Variants in STIM1 observed in about 807,000 individuals in gnomAD.
STIM1 encodes the protein stromal interaction molecule 1.
In STIM1, 25 loss-of-function variants were observed where a neutral mutation model predicts 74.7. The observed-to-expected ratio is 0.33, with a 90% confidence interval of 0.24 to 0.47. The LOEUF (loss-of-function observed/expected upper bound fraction) is 0.47. STIM1 is among the 20% of genes least tolerant of loss of function. The pLI, the probability that STIM1 is intolerant of heterozygous loss-of-function variation, is 1.00. For missense variants in STIM1, 728 were observed against 920.8 expected (o/e 0.79, Z 2.71); for synonymous variants, 328 against 348.8 (o/e 0.94, Z 0.66).
At chr11:3,904,211 A>AAAAAAAAAG (rs1565109320) in intron 1 of STIM1, among the ~76,000 whole-genome samples, 19 of 150,660 alleles carry the variant, frequency 1.3e-4, no homozygotes, top group Non-Finnish European at 2.1e-4. Context: ...AAAAAAAAAA[A>AAAAAAAAAG]AAAAAAAAGA....
chr11:3,899,059 A>T (rs1260539899), intron 1 of STIM1, among the ~76,000 whole-genome samples: 5 of 152,200 alleles, frequency 3.3e-5, no homozygotes, highest in African/African-American at 9.7e-5. Context: ...GAAGAAAGTC[A>T]TTGGTAGTTT....
intron 1 of STIM1, among the ~76,000 whole-genome samples, chr11:3,889,757 G>C (rs1455414316): frequency 6.6e-6 from 1 of 152,124 alleles, no homozygotes; most frequent in Admixed American, 6.6e-5. Context: ...CTTGTTTTTA[G>C]TATTGTTGGG....
chr11:4,068,109 A>G (rs1045520839), intron 5 of STIM1, among the ~76,000 whole-genome samples: 1 of 152,210 alleles, frequency 6.6e-6, no homozygotes, highest in Non-Finnish European at 1.5e-5. Context: ...AGTGGTACTG[A>G]TAGGTGGAAC....
At chr11:3,987,666 T>G (rs2093569624) in intron 2 of STIM1, among the ~76,000 whole-genome samples, 2 of 152,204 alleles carry the variant, frequency 1.3e-5, no homozygotes, top group African/African-American at 4.8e-5. Flanking sequence ...ACATAGTAAC[T>G]ACTCAGTAAA....
rs73427556 is a variant in STIM1 at position 3,967,895 on chromosome 11, G to C, written c.270+213G>C. Among the ~76,000 whole-genome samples, 2,725 of 152,286 alleles carry C rather than the reference G, an allele frequency of 0.018. 84 individuals are homozygous for C. The highest frequency in any genetic ancestry group is 0.063 in the African/African-American group (2,609 of 41,556). The stretch of plus-strand genomic sequence containing the variant: ...GCTTTATGCTTGTGTCTGTGCCTGG[G>C]CTGGCTGCCCCCTGCCTACTGGCTA... On this transcript the variant is annotated intron_variant, in intron 2 of 12. Transcript: ENST00000526596.
At chr11:4,026,649 A>G (rs1279197242) in intron 3 of STIM1, among the ~76,000 whole-genome samples, 1 of 152,234 alleles carries the variant, frequency 6.6e-6, no homozygotes, top group African/African-American at 2.4e-5. Context: ...ATAATTAACT[A>G]GGACTACTCA....
At chr11:4,042,490 T>C (rs567280422) in intron 3 of STIM1, among the ~76,000 whole-genome samples, 2 of 152,232 alleles carry the variant, frequency 1.3e-5, no homozygotes, top group Non-Finnish European at 2.9e-5. Flanking sequence ...GACTGTTTTG[T>C]GTATTGTTGT....
At chr11:3,907,344 G>T (rs1024951595) in intron 1 of STIM1, among the ~76,000 whole-genome samples, 13 of 152,100 alleles carry the variant, frequency 8.5e-5, no homozygotes, top group African/African-American at 2.9e-4. Flanking sequence ...ATTTCTCCCT[G>T]AATTTTAGAC....
chr11:4,048,493 G>A (rs1189666942), intron 3 of STIM1, among the ~76,000 whole-genome samples: 1 of 151,986 alleles, frequency 6.6e-6, no homozygotes, highest in African/African-American at 2.4e-5. Context: ...TTTAAGTTCA[G>A]CATATCTGTA....
At chr11:3,884,930 A>G (rs2091649033) in intron 1 of STIM1, among the ~76,000 whole-genome samples, 1 of 152,214 alleles carries the variant, frequency 6.6e-6, no homozygotes, top group Non-Finnish European at 1.5e-5. Flanking sequence ...CATTTACATG[A>G]AATGTCCAGA....
intron 1 of STIM1, among the ~76,000 whole-genome samples, chr11:3,867,859 GGCAGGCAGGCAA>G (rs1210477515): frequency 1.2e-4 from 17 of 145,318 alleles, no homozygotes; most frequent in African/African-American, 2.2e-4. Flanking sequence ...CAGGCAGGCA[GGCAGGCAGGCAA>G]GCAGGCAGGC....
intron 1 of STIM1, among the ~76,000 whole-genome samples, chr11:3,920,279 C>A (rs1329864246): frequency 1.3e-5 from 2 of 151,944 alleles, no homozygotes; most frequent in Non-Finnish European, 2.9e-5. Context: ...TGGTTTTCAA[C>A]AATTTTGTGT....
chr11:3,984,011 C>A (rs879826094), intron 2 of STIM1, among the ~76,000 whole-genome samples: 11 of 152,028 alleles, frequency 7.2e-5, no homozygotes, highest in Non-Finnish European at 1.6e-4. Context: ...GGATTACAGG[C>A]ATATGCCAGC....
intron 1 of STIM1, among the ~76,000 whole-genome samples, chr11:3,905,075 G>C (rs1200434884): frequency 1.3e-5 from 2 of 152,122 alleles, no homozygotes; most frequent in Non-Finnish European, 2.9e-5. Context: ...AGAGGCAAGA[G>C]AAAGTACTGT....
intron 1 of STIM1, among the ~76,000 whole-genome samples, chr11:3,918,199 G>A (rs1030042522): frequency 3.3e-5 from 5 of 152,010 alleles, no homozygotes; most frequent in African/African-American, 1.2e-4. Context: ...ATCAGATTTG[G>A]GTATGCATCC....
intron 3 of STIM1, among the ~76,000 whole-genome samples, chr11:4,037,426 C>T (rs1426025706): frequency 2.0e-5 from 3 of 152,090 alleles, no homozygotes; most frequent in East Asian, 3.8e-4. Flanking sequence ...CCTATTTTTC[C>T]TTGTAGTTTC....
chr11:3,912,296 C>CT (rs978627512), intron 1 of STIM1, among the ~76,000 whole-genome samples: 1 of 140,580 alleles, frequency 7.1e-6, no homozygotes, highest in African/African-American at 2.6e-5. Context: ...TTCTCTCTTT[C>CT]TTTTTTTCCA....
chr11:3,934,545 CTGAG>C (rs1279495123), intron 1 of STIM1, among the ~76,000 whole-genome samples: 14 of 152,182 alleles, frequency 9.2e-5, no homozygotes, highest in Non-Finnish European at 1.8e-4. Context: ...GAGCAAGAGG[CTGAG>C]TTAGTTTCAC....
intron 1 of STIM1, among the ~76,000 whole-genome samples, chr11:3,896,528 A>G (rs914005873): frequency 1.3e-5 from 2 of 152,202 alleles, no homozygotes; most frequent in African/African-American, 4.8e-5. Flanking sequence ...TGCCGATGCA[A>G]CACTAGGTAG....
Sources: allele counts gnomAD v4.1 joint callset (sites outside exome capture counted in the v4.1 genomes callset), GRCh38; gene constraint gnomAD v4.1.1; transcripts MANE v1.5; gene names NCBI Gene and HGNC (gene_info 2026-07-23, HGNC 2026-07-21).